Variants in BABAM2 observed in about 807,000 individuals in gnomAD.
BABAM2 encodes the protein BRISC and BRCA1-A complex member 2.
Under a neutral mutation model 54.7 loss-of-function variants are expected in BABAM2, and 31 were observed. That is an observed-to-expected ratio of 0.57 (90% CI 0.43 to 0.77). The LOEUF (loss-of-function observed/expected upper bound fraction) is 0.77. Ranked by LOEUF, BABAM2 falls within the 30% of genes least tolerant of loss-of-function variation. The pLI, the probability that BABAM2 is intolerant of heterozygous loss-of-function variation, is 0.00. For missense variants in BABAM2, 364 were observed against 455.8 expected, an observed-to-expected ratio of 0.80 and a Z score of 1.83; for synonymous variants, 167 against 162.9, an observed-to-expected ratio of 1.03 and a Z score of -0.19.
chr2:28,205,396 G>A lies in BABAM2; in HGVS notation c.681-31806G>A, dbSNP rs558709671. Among the ~76,000 whole-genome samples the A allele has an allele frequency of 1.2e-3, 180 of 151,324 alleles. 1 individual carries two copies. Among genetic ancestry groups the A allele is most frequent in the Non-Finnish European group, 2.1e-3 (141 of 67,584 alleles). ...CACGTGCCTGTGGTCCTAGCTACTC[G>A]GGAGGCTGAGGCAGAAGGATCACTT... On this transcript the variant is annotated intron_variant, in intron 7 of 11. Coordinates refer to ENST00000379624, the MANE Select transcript of BABAM2 (RefSeq NM_199191.3).
At chr2:28,306,277 T>C (rs1688511800) in intron 11 of BABAM2, among the ~76,000 whole-genome samples, 1 of 152,254 alleles carries the variant, frequency 6.6e-6, no homozygotes, top group Non-Finnish European at 1.5e-5. Flanking sequence ...TTTAGCTCTT[T>C]ACTGTTTTTT....
In BABAM2 at chr2:28,013,598, C is replaced by T. The variant is rs192904679; in HGVS notation, c.301-11628C>T. Reference sequence around the variant, plus strand: ...GACATGAGAATCAGGATCATATTACCACAAGTAGCTAGAAGATTTCATTGG... The same window carrying T: ...GACATGAGAATCAGGATCATATTACTACAAGTAGCTAGAAGATTTCATTGG... On this transcript the variant is annotated intron_variant, in intron 4 of 11. Coordinates refer to ENST00000379624, the MANE Select transcript of BABAM2 (RefSeq NM_199191.3). 2.7e-3 allele frequency among the ~76,000 whole-genome samples: 399 copies of T among 148,310 alleles called. 2 individuals carry two copies. The highest frequency in any genetic ancestry group is 0.014 in the Middle Eastern group (4 of 288).
intron 6 of BABAM2, among the ~76,000 whole-genome samples, chr2:28,123,007 AC>A (rs1669209333): frequency 6.6e-6 from 1 of 152,202 alleles, no homozygotes; most frequent in African/African-American, 2.4e-5. Context: ...AGCATTTTCC[AC>A]TTAATTCCAT....
At chr2:28,089,613 A>G (rs937549181) in intron 6 of BABAM2, among the ~76,000 whole-genome samples, 1 of 152,240 alleles carries the variant, frequency 6.6e-6, no homozygotes, top group Non-Finnish European at 1.5e-5. Flanking sequence ...CATCTTACAG[A>G]TGAGGAAACA....
At chr2:27,982,138 T>A (rs964718353) in intron 3 of BABAM2, among the ~76,000 whole-genome samples, 4 of 152,186 alleles carry the variant, frequency 2.6e-5, no homozygotes, top group Admixed American at 6.5e-5. Flanking sequence ...ATGTATTTAT[T>A]TGACATTTGT....
intron 7 of BABAM2, among the ~76,000 whole-genome samples, chr2:28,202,747 C>T (rs991720639): frequency 5.3e-5 from 8 of 152,140 alleles, no homozygotes; most frequent in Non-Finnish European, 1.2e-4. Context: ...TCAGGACTCT[C>T]ATCCTTTCTT....
intron 11 of BABAM2, chr2:28,327,195 C>T (rs1690541114): frequency 2.1e-6 from 3 of 1,448,926 alleles, no homozygotes; most frequent in Admixed American, 2.2e-5. Context: ...CTCAGGAGCC[C>T]ATTAGGACTA....
Position 28,247,553 on chromosome 2 carries a change from A to G in BABAM2, c.934+2691A>G, listed in dbSNP as rs1272784133. 2.0e-5 allele frequency among the ~76,000 whole-genome samples: 3 copies of G among 152,196 alleles called. No individual in the cohort carries two copies. The East Asian group carries it at 5.8e-4, about 29-fold the overall frequency. ...TGAGGTGGCAGAGACTTAACAAAGA[A>G]CATTGCAGTGAATTATTCTGAGATC... On this transcript the variant is annotated intron_variant, in intron 10 of 11. Coordinates refer to ENST00000379624, the MANE Select transcript of BABAM2 (RefSeq NM_199191.3).
chr2:27,909,984 C>T (rs976909492), intron 2 of BABAM2, among the ~76,000 whole-genome samples: 8 of 152,120 alleles, frequency 5.3e-5, no homozygotes, highest in Admixed American at 1.3e-4. Flanking sequence ...TTCTAATAAT[C>T]CCTTAAGGCA....
intron 6 of BABAM2, among the ~76,000 whole-genome samples, chr2:28,098,934 T>C (rs1003341762): frequency 6.6e-6 from 1 of 152,274 alleles, no homozygotes; most frequent in Non-Finnish European, 1.5e-5. Context: ...TTAAACTGTC[T>C]TGGTATTCCC....
At chr2:28,033,591 A>G (rs191273927) in intron 5 of BABAM2, among the ~76,000 whole-genome samples, 128 of 152,214 alleles carry the variant, frequency 8.4e-4, no homozygotes, top group African/African-American at 3.0e-3. Context: ...TGAATCCATT[A>G]ACCCAGTAAC....
At position 28,322,262 on chromosome 2, in the gene BABAM2, C is replaced by T. The variant is rs747197998; in HGVS notation, c.1089-16188C>T. ...TCGGTGCACAAGTGTCCCTGAACTTCGGTGAAGTATGAGCCACCAAGCTCC... is the reference window on the plus strand; with the variant it reads ...TCGGTGCACAAGTGTCCCTGAACTTTGGTGAAGTATGAGCCACCAAGCTCC... On this transcript the variant is annotated intron_variant, in intron 11 of 11. Coordinates refer to ENST00000379624, the MANE Select transcript of BABAM2 (RefSeq NM_199191.3). The surrounding 1 kb of genome is among the most constrained non-coding windows in gnomAD (Gnocchi z 4.1). 3.3e-5 allele frequency among the ~76,000 whole-genome samples: 5 copies of T among 152,268 alleles called. No homozygotes were observed. The highest frequency in any genetic ancestry group is 3.4e-3 in the Middle Eastern group (1 of 294).
intron 11 of BABAM2, among the ~76,000 whole-genome samples, chr2:28,320,188 G>A (rs1005836440): frequency 2.0e-5 from 3 of 152,254 alleles, no homozygotes; most frequent in African/African-American, 7.2e-5. Context: ...GGCTAGAGGA[G>A]TGGGAAGAAA....
At chr2:28,006,730 G>A (rs564608617) in intron 4 of BABAM2, among the ~76,000 whole-genome samples, 1 of 152,058 alleles carries the variant, frequency 6.6e-6, no homozygotes, top group Non-Finnish European at 1.5e-5. Context: ...TAGAGAGTTA[G>A]CAGTTTAGTT....
At chr2:28,013,665 TAAAAAAAAA>T (rs55636414) in intron 4 of BABAM2, among the ~76,000 whole-genome samples, 5 of 58,068 alleles carry the variant, frequency 8.6e-5, no homozygotes, top group African/African-American at 1.9e-4. Context: ...GTCCAGCAAG[TAAAAAAAAA>T]AAAAAAAAAA....
At position 28,150,677 on chromosome 2, in the gene BABAM2, G is replaced by A. The variant is rs576568866; in HGVS notation, c.680+21297G>A. Among the ~76,000 whole-genome samples the A allele has an allele frequency of 1.1e-4, 16 of 152,274 alleles. No homozygotes were observed. The East Asian group carries it at 1.9e-3, about 18-fold the overall frequency. On this transcript the variant is annotated intron_variant, in intron 7 of 11. Transcript: ENST00000379624. ...GCTGTGCTTCTCTCTTGGAAAGACC[G>A]TGAGACTAGGGAAGAGCGCCAGCCA... is the stretch of plus-strand genomic sequence containing the variant.
intron 2 of BABAM2, among the ~76,000 whole-genome samples, chr2:27,917,768 GA>G (rs1667088383): frequency 6.6e-6 from 1 of 151,752 alleles, no homozygotes; most frequent in Non-Finnish European, 1.5e-5. Flanking sequence ...TATATTTATA[GA>G]TTATAAAACA....
intron 2 of BABAM2, among the ~76,000 whole-genome samples, 165 bp from the exon 3 acceptor site, chr2:27,929,667 G>A (rs893130980): frequency 6.6e-6 from 1 of 152,206 alleles, no homozygotes; most frequent in African/African-American, 2.4e-5. Flanking sequence ...GAGTCTTCAT[G>A]TCTTGGCTTC....
intron 3 of BABAM2, 80 bp downstream of exon 3, chr2:27,929,988 C>A: frequency 1.5e-6 from 2 of 1,331,744 alleles, no homozygotes; most frequent in South Asian, 1.2e-5. Flanking sequence ...TTTTCATTTC[C>A]GGCTGTTAGT....
Sources: gnomAD v4.1 joint callset for allele counts (sites outside exome capture counted in the v4.1 genomes callset) on GRCh38, gnomAD v4.1.1 for gene constraint, Gnocchi (gnomAD v3.1) non-coding constraint, MANE v1.5 for transcripts, NCBI Gene and HGNC (gene_info 2026-07-23, HGNC 2026-07-21) for gene names.